FOSL1: variants seen among roughly 807,000 people sequenced by gnomAD.
FOSL1 encodes fos-related antigen 1.
Under a neutral mutation model 24.9 loss-of-function variants are expected in FOSL1, and 14 were observed. The ratio of observed to expected loss-of-function variants is 0.56; its 90% CI spans 0.37 to 0.88. The LOEUF (loss-of-function observed/expected upper bound fraction) is 0.88. Ranked by LOEUF, FOSL1 falls within the 40% of genes least tolerant of loss-of-function variation. The pLI is 0.00. For missense variants in FOSL1, 318 were observed against 359.8 expected (o/e 0.88, Z 0.94); for synonymous variants, 133 against 145.1 (o/e 0.92, Z 0.60).
intron 1 of FOSL1, 148 bp from the exon 2 acceptor site, chr11:65,897,154 T>C (rs1860549292): frequency 3.1e-6 from 2 of 646,582 alleles, no homozygotes; most frequent in Admixed American, 5.2e-5. Flanking sequence ...GAGACTGACC[T>C]GGTGGCAAAT....
chr11:65,898,275 T>C (rs1591090179), intron 1 of FOSL1, among the ~76,000 whole-genome samples: 1 of 152,030 alleles, frequency 6.6e-6, no homozygotes, highest in Admixed American at 6.6e-5. Context: ...TCCTGACCTC[T>C]GGTGATCCAC....
chr11:65,896,425 C>T (rs1022144711), intron 2 of FOSL1, among the ~76,000 whole-genome samples: 21 of 152,090 alleles, frequency 1.4e-4, no homozygotes, highest in Admixed American at 6.6e-4. Flanking sequence ...ACAACATAAG[C>T]GCCCCCTCTA....
Position 65,893,077 on chromosome 11 carries a change from C to G in FOSL1, c.625G>C (p.Val209Leu). The part of the protein sequence containing the change: ...VPCISLSPGP[V>L]LEPEALHTPT... ...GTGTGCAGTGCCTCAGGTTCAAGCA[C>G]AGGCCCTGGGGAAAGGGAGATACAA... The change falls in exon 4 of 4, where the codon GTG (valine) becomes CTG (leucine). Residue 209 changes from valine (V) to leucine (L), a missense_variant. Coordinates refer to ENST00000312562, the MANE Select transcript of FOSL1 (RefSeq NM_005438.5). 1.9e-6 allele frequency: 3 copies of G among 1,611,620 alleles called. No homozygotes were observed. The highest frequency in any genetic ancestry group is 2.5e-6 in the Non-Finnish European group (3 of 1,178,938).
At position 65,900,356 on chromosome 11, in the gene FOSL1, T is replaced by C; in HGVS notation, c.-17A>G. 8.2e-7 allele frequency: 1 copy of C among 1,216,228 alleles called. No individual in the cohort carries two copies. The allele number at this position is 1,216,228 out of a possible 1,614,324, so 75.3% of individuals were successfully genotyped here. The stretch of plus-strand genomic sequence containing the variant: ...TCGGAACATGCCCGGGGCTGGCGGC[T>C]CTGCGGGGTACACGGCTGCTGGGTT... On this transcript the variant is annotated 5_prime_UTR_variant, in exon 1 of 4. Transcript: ENST00000312562.
intron 1 of FOSL1, among the ~76,000 whole-genome samples, chr11:65,897,915 G>GTC (rs1860568554): frequency 6.6e-6 from 1 of 150,564 alleles, no homozygotes; most frequent in Non-Finnish European, 1.5e-5. Context: ...TTGAGACAGG[G>GTC]TCTCACTCTT....
At chr11:65,898,201 C>T (rs1451566311) in intron 1 of FOSL1, among the ~76,000 whole-genome samples, 1 of 151,878 alleles carries the variant, frequency 6.6e-6, no homozygotes, top group Non-Finnish European at 1.5e-5. Flanking sequence ...CAACTGTGCC[C>T]GGCTAATTTT....
intron 1 of FOSL1, among the ~76,000 whole-genome samples, chr11:65,898,916 G>A (rs373023278): frequency 1.4e-5 from 2 of 145,818 alleles, no homozygotes; most frequent in East Asian, 2.1e-4. Flanking sequence ...AGCTGTGATT[G>A]CACCACTGCT....
rs764005099 is a variant in FOSL1, at chr11:65,893,157, T to TC, written c.544dup (p.Asp182GlyfsTer30). 6 of 1,613,394 alleles carry TC rather than the reference T, an allele frequency of 3.7e-6. No individual in the cohort carries two copies. The highest frequency in any genetic ancestry group is 5.1e-6 in the Non-Finnish European group (6 of 1,179,920). Reference sequence around the variant, plus strand: ...GCTGGTGCCACTGGTACTGCCTGTGTCCCCCTCCTTGGCTCCTTCCGGGAT... The same window carrying TC: ...GCTGGTGCCACTGGTACTGCCTGTGTCCCCCCTCCTTGGCTCCTTCCGGGAT... On this transcript the variant is annotated frameshift_variant, in exon 4 of 4. Coordinates refer to ENST00000312562, the MANE Select transcript of FOSL1 (RefSeq NM_005438.5). LOFTEE classifies it high-confidence loss of function.
chr11:65,897,488 C>A (rs946566506), intron 1 of FOSL1, among the ~76,000 whole-genome samples: 4 of 151,936 alleles, frequency 2.6e-5, no homozygotes, highest in African/African-American at 9.7e-5. Context: ...TATAGGCGTG[C>A]ACCACCATGC....
intron 1 of FOSL1, among the ~76,000 whole-genome samples, chr11:65,899,927 G>A (rs2134810235): frequency 6.6e-6 from 1 of 152,332 alleles, no homozygotes; most frequent in Non-Finnish European, 1.5e-5. Flanking sequence ...AGGCGCCCAC[G>A]CCCCTTCTGA....
At chr11:65,898,058 T>TTTTTTTTTTTTG (rs1565290182) in intron 1 of FOSL1, among the ~76,000 whole-genome samples, 2 of 144,418 alleles carry the variant, frequency 1.4e-5, no homozygotes, top group Non-Finnish European at 3.0e-5. Context: ...TTTTTTTTTT[T>TTTTTTTTTTTTG]GAGACACAGT....
rs781777272 is a variant in FOSL1 at position 65,894,114 on chromosome 11, G to A, written c.305C>T (p.Pro102Leu). Residue 102 changes from proline (P) to leucine (L), a missense_variant, in exon 3 of 4, where the codon CCG becomes CTG. Transcript: ENST00000312562. ...TACTCGGCGGCGCTCCTCTTCCTCC[G>A]GGCTGATCTGGGGGTGAGACCCGCA... ...VRRRPCEQIS[P>L]EEEERRRVRR... 16 of 1,602,374 alleles carry A rather than the reference G, an allele frequency of 1.0e-5. No individual in the cohort carries two copies. The highest frequency in any genetic ancestry group is 3.4e-5 in the Admixed American group (2 of 59,594).
intron 1 of FOSL1, among the ~76,000 whole-genome samples, chr11:65,899,133 G>A (rs1324036756): frequency 2.0e-5 from 3 of 152,186 alleles, no homozygotes; most frequent in African/African-American, 7.2e-5. Flanking sequence ...GCTATCTGAG[G>A]AGTGGGTTGG....
Position 65,900,286 on chromosome 11 carries a change from G to T in FOSL1, c.54C>A (p.Tyr18Ter). The stretch of plus-strand genomic sequence containing the variant: ...CGGCCGGGGGCTGCGCGGGGCCGCC[G>T]TACCCGCCGCCGTTCCCGGAGCTCG... ...PGPSSGNGGGYGGPAQPPAAA... is the reference protein window; with the variant it reads ...PGPSSGNGGG Residue 18 changes from tyrosine to a stop codon, truncating the protein, a stop_gained, in exon 1 of 4, where the codon TAC becomes TAA. Coordinates refer to ENST00000312562, the MANE Select transcript of FOSL1 (RefSeq NM_005438.5). LOFTEE classifies it high-confidence loss of function. The T allele has an allele frequency of 3.2e-6, 4 of 1,244,950 alleles. No individual in the cohort carries two copies. Among genetic ancestry groups the T allele is most frequent in the Non-Finnish European group, 4.0e-6 (4 of 994,660 alleles). 77.1% of individuals were successfully genotyped at this position (1,244,950 alleles called of 1,614,324 possible).
chr11:65,897,496 T>C (rs924848861), intron 1 of FOSL1, among the ~76,000 whole-genome samples: 1 of 151,660 alleles, frequency 6.6e-6, no homozygotes, highest in Non-Finnish European at 1.5e-5. Context: ...TGCACCACCA[T>C]GCCCGGCTAA....
chr11:65,892,425 C>T lies in FOSL1; in HGVS notation c.*461G>A. The T allele has an allele frequency of 2.7e-6, 1 of 374,780 alleles. No homozygotes were observed. The highest frequency in any genetic ancestry group is 5.3e-6 in the Non-Finnish European group (1 of 188,656). 23.2% of individuals were successfully genotyped at this position (374,780 alleles called of 1,614,324 possible). On this transcript the variant is annotated 3_prime_UTR_variant, in exon 4 of 4. Transcript: ENST00000312562. ...GGTTCAGGAGGGGGCGGCAGAATGG[C>T]CTGGTCCAATCACCTGCTGCTGCTG... is the stretch of plus-strand genomic sequence containing the variant.
rs637571 is a variant in FOSL1, at chr11:65,896,875, T to C, written c.231A>G (p.Gln77=). ...GGGCCCGGATGACTCCTGGCCGGGGTTGTGGGGGGCTGTACTGAGGGTAGG... is the reference window on the plus strand; with the variant it reads ...GGGCCCGGATGACTCCTGGCCGGGGCTGTGGGGGGCTGTACTGAGGGTAGG... The part of the protein sequence containing the change: ...PLTYPQYSPP[Q]PRPGVIRALG... The change falls in exon 2 of 4, where the codon CAA becomes CAG. Residue 77 remains glutamine, a synonymous_variant. Transcript: ENST00000312562. 761,973 of 1,612,732 alleles carry C rather than the reference T, an allele frequency of 0.47. 185,014 individuals are homozygous for C. The highest frequency in any genetic ancestry group is 0.77 in the East Asian group (34,649 of 44,852).
chr11:65,898,045 G>GTTTCTTTTTTT (rs1860574440), intron 1 of FOSL1, among the ~76,000 whole-genome samples: 3 of 101,838 alleles, frequency 2.9e-5, no homozygotes, highest in Non-Finnish European at 5.3e-5. Flanking sequence ...TTTCTTTTCT[G>GTTTCTTTTTTT]TTTTTTTTTT....
intron 2 of FOSL1, among the ~76,000 whole-genome samples, chr11:65,894,977 T>G (rs1036636967): frequency 1.3e-5 from 2 of 150,964 alleles, no homozygotes; most frequent in Non-Finnish European, 3.0e-5. Flanking sequence ...TTTTTTTTTT[T>G]TGTGTAGTGA....
Sources: gnomAD v4.1 joint callset for allele counts (sites outside exome capture counted in the v4.1 genomes callset) on GRCh38, gnomAD v4.1.1 for gene constraint, MANE v1.5 for transcripts, NCBI Gene and HGNC (gene_info 2026-07-23, HGNC 2026-07-21) for gene names.